Variants in NR1I2 observed in about 807,000 individuals in gnomAD.
The protein encoded by NR1I2 is orphan nuclear receptor PAR1.
In NR1I2, 42 loss-of-function variants were observed where a neutral mutation model predicts 43.3. The observed-to-expected ratio is 0.97, with a 90% CI of 0.76 to 1.26. NR1I2 has a LOEUF of 1.26. Ranked by LOEUF, NR1I2 falls within the 50% of genes most tolerant of loss-of-function variation. NR1I2 has a pLI of 0.00. For synonymous variants in NR1I2, 229 were observed against 215.0 expected (o/e 1.06, Z -0.57); for missense variants, 559 against 566.7 (o/e 0.99, Z 0.14).
intron 5 of NR1I2, among the ~76,000 whole-genome samples, chr3:119,813,332 C>T (rs2055271525): frequency 6.6e-6 from 1 of 151,924 alleles, no homozygotes; most frequent in Non-Finnish European, 1.5e-5. Context: ...TTGACAGTTC[C>T]AGAGCAAGGA....
chr3:119,810,025 C>A (rs998189982), intron 2 of NR1I2, 36 bp from the exon 3 acceptor site: 1 of 1,613,226 alleles, frequency 6.2e-7, no homozygotes, highest in Non-Finnish European at 8.5e-7. Flanking sequence ...CCCGGGCACC[C>A]GTGCATCCCC....
chr3:119,809,015 C>T (rs996800519), intron 2 of NR1I2, among the ~76,000 whole-genome samples: 3 of 152,180 alleles, frequency 2.0e-5, no homozygotes, highest in Admixed American at 1.3e-4. Flanking sequence ...TGGTCCGAGG[C>T]CCGAGGCCTC....
chr3:119,787,414 G>T (rs1163698231), intron 1 of NR1I2, among the ~76,000 whole-genome samples: 1 of 151,976 alleles, frequency 6.6e-6, no homozygotes, highest in Non-Finnish European at 1.5e-5. Flanking sequence ...ATTCAACTTG[G>T]GATAAGCCCT....
rs2055300566 is a variant in NR1I2 at position 119,815,109 on chromosome 3, G to T, written c.925G>T (p.Glu309Ter). 1 of 1,614,044 alleles carries T rather than the reference G, an allele frequency of 6.2e-7. No homozygotes were observed. Among genetic ancestry groups the T allele is most frequent in the Non-Finnish European group, 8.5e-7 (1 of 1,180,050 alleles). ...GTGTGGCCGGCTGTCCTACTGCTTG[G>T]AAGACACTGCAGGTGCCCGAGAGAG... Residue 309 changes from glutamate (E) to a stop codon, truncating the protein, a stop_gained, in exon 6 of 9, where the codon GAA (glutamate) becomes TAA (stop). Coordinates refer to ENST00000393716, the MANE Select transcript of NR1I2 (RefSeq NM_003889.4). LOFTEE classifies it high-confidence loss of function.
chr3:119,815,683 G>T, intron 7 of NR1I2, 43 bp from the exon 8 acceptor site: 1 of 1,529,018 alleles, frequency 6.5e-7, no homozygotes, highest in Non-Finnish European at 9.0e-7. Flanking sequence ...GACTGAGCTT[G>T]TCTTTGCCCC....
intron 5 of NR1I2, among the ~76,000 whole-genome samples, chr3:119,813,280 A>G (rs927623069): frequency 7.2e-5 from 11 of 152,234 alleles, no homozygotes; most frequent in African/African-American, 2.7e-4. Context: ...GGGCATTCAG[A>G]TAGTCTTTTG....
rs369390830 is a variant in NR1I2, at chr3:119,817,949, AAAAC to A, written c.*743_*746del. 5.5e-4 allele frequency: 540 copies of A among 985,250 alleles called. 1 individual carries two copies. The African/African-American group carries it at 8.2e-3, about 15-fold the overall frequency. The allele number at this position is 985,250 out of a possible 1,614,324, so 61.0% of individuals were successfully genotyped here. On this transcript the variant is annotated 3_prime_UTR_variant, in exon 9 of 9. Transcript: ENST00000393716. Reference sequence around the variant, plus strand: ...TGAGCTCACAGAGTTTATAGTTAAAAAAACAAACAGAAACACAAACGATTTGGAT... The same window carrying A: ...TGAGCTCACAGAGTTTATAGTTAAAAAAACAGAAACACAAACGATTTGGAT...
intron 1 of NR1I2, among the ~76,000 whole-genome samples, chr3:119,790,536 G>T (rs1385546231): frequency 6.6e-6 from 1 of 152,092 alleles, no homozygotes; most frequent in Non-Finnish European, 1.5e-5. Context: ...TGAGTCCAAG[G>T]TTCCCATTTG....
chr3:119,814,875 C>T lies in NR1I2; in HGVS notation c.795-104C>T, dbSNP rs2055295971. ...TCCTCAGGGAAAGGAGCCATCCTCC[C>T]TCTTCCTCTCGCCCCCAACTTCTGG... On this transcript the variant is annotated intron_variant, in intron 5 of 8. Transcript: ENST00000393716. 7 of 1,440,968 alleles carry T rather than the reference C, an allele frequency of 4.9e-6. No individual in the cohort carries two copies. In the Admixed American group the frequency reaches 7.1e-5, roughly 15 times the overall value. The allele number at this position is 1,440,968 out of a possible 1,614,324, so 89.3% of individuals were successfully genotyped here.
At chr3:119,813,006 G>T (rs777276098) in intron 5 of NR1I2, 46 bp downstream of exon 5, 3 of 1,600,826 alleles carry the variant, frequency 1.9e-6, no homozygotes, top group Non-Finnish European at 2.6e-6. Flanking sequence ...AGAACTGGAA[G>T]TGGCCAGGAG....
At chr3:119,792,254 G>C in intron 1 of NR1I2, 2 of 1,542,312 alleles carry the variant, frequency 1.3e-6, no homozygotes, top group Non-Finnish European at 1.8e-6. Flanking sequence ...AGAGAGAACT[G>C]GTCTCCAGGC....
intron 1 of NR1I2, chr3:119,791,974 A>G: frequency 1.4e-6 from 1 of 690,706 alleles, no homozygotes; most frequent in African/African-American, 1.7e-5. Context: ...GTGGTAGGGT[A>G]AGGGACTCAC....
intron 3 of NR1I2, among the ~76,000 whole-genome samples, chr3:119,810,704 T>C (rs1321100030): frequency 6.6e-6 from 1 of 152,240 alleles, no homozygotes; most frequent in Non-Finnish European, 1.5e-5. Flanking sequence ...GATATATTTG[T>C]GCTCCTAGGT....
intron 1 of NR1I2, chr3:119,802,932 T>G (rs1184785013): frequency 2.2e-6 from 1 of 456,672 alleles, no homozygotes; most frequent in East Asian, 6.9e-5. Context: ...CAAATTCGTA[T>G]GTTAAAATCC....
At chr3:119,802,980 T>TG (rs984439419) in intron 1 of NR1I2, 1 of 456,506 alleles carries the variant, frequency 2.2e-6, no homozygotes, top group South Asian at 1.5e-5. Flanking sequence ...ATGGGGACTT[T>TG]GGGGGGTGAT....
intron 1 of NR1I2, among the ~76,000 whole-genome samples, chr3:119,791,597 A>G (rs72554009): frequency 0.053 from 8,099 of 152,192 alleles, 328 homozygotes; most frequent in African/African-American, 0.12. Flanking sequence ...TGGATGTTTT[A>G]TCCCTTCCAA....
chr3:119,792,367 TG>T, intron 1 of NR1I2: 1 of 1,383,252 alleles, frequency 7.2e-7, no homozygotes, highest in Non-Finnish European at 1.0e-6. Context: ...ACAGAAGCAG[TG>T]GAAGCCAAAC....
chr3:119,787,844 C>T (rs2054865536), intron 1 of NR1I2, among the ~76,000 whole-genome samples: 1 of 151,888 alleles, frequency 6.6e-6, no homozygotes, highest in African/African-American at 2.4e-5. Flanking sequence ...TACACACACA[C>T]ATAATTAAAT....
At chr3:119,814,715 G>A (rs547265090) in intron 5 of NR1I2, among the ~76,000 whole-genome samples, 1 of 152,342 alleles carries the variant, frequency 6.6e-6, no homozygotes, top group Admixed American at 6.5e-5. Flanking sequence ...GGGCCAGCCT[G>A]TAAGGGACCT....
Sources: gnomAD v4.1 joint callset for allele counts (sites outside exome capture counted in the v4.1 genomes callset) on GRCh38, gnomAD v4.1.1 for gene constraint, MANE v1.5 for transcripts, NCBI Gene and HGNC (gene_info 2026-07-23, HGNC 2026-07-21) for gene names.